PRICKLE1: variants seen among roughly 807,000 people sequenced by gnomAD.
PRICKLE1 encodes the protein prickle planar cell polarity protein 1.
In PRICKLE1, 14 loss-of-function variants were observed where a neutral mutation model predicts 70.2. The ratio of observed to expected loss-of-function variants is 0.20; its 90% CI spans 0.13 to 0.31. The LOEUF is 0.31. PRICKLE1 is among the 10% of genes least tolerant of loss of function. PRICKLE1 has a pLI of 1.00. For synonymous variants in PRICKLE1, 357 were observed against 379.9 expected (o/e 0.94, Z 0.70); for missense variants, 821 against 1,026.2 (o/e 0.80, Z 2.73).
At chr12:42,490,786 C>G (rs892952425) in intron 1 of PRICKLE1, among the ~76,000 whole-genome samples, 2 of 152,144 alleles carry the variant, frequency 1.3e-5, no homozygotes, top group Non-Finnish European at 2.9e-5. Flanking sequence ...GATGTAAGCT[C>G]TCACTTGGAA....
At chr12:42,499,725 AATTT>A (rs3086550) in intron 1 of PRICKLE1, among the ~76,000 whole-genome samples, 1 of 144,000 alleles carries the variant, frequency 6.9e-6, no homozygotes, top group African/African-American at 2.6e-5. Flanking sequence ...CTGGCCTAGA[AATTT>A]ATTTATTTAT....
At chr12:42,539,139 C>T (rs1940063784) in intron 1 of PRICKLE1, among the ~76,000 whole-genome samples, 2 of 152,120 alleles carry the variant, frequency 1.3e-5, no homozygotes, top group Admixed American at 6.6e-5. Flanking sequence ...AAAGTTCTGT[C>T]TTGAAGTTAG....
chr12:42,551,710 A>G (rs930651722), intron 1 of PRICKLE1, among the ~76,000 whole-genome samples: 4 of 152,208 alleles, frequency 2.6e-5, no homozygotes, highest in African/African-American at 9.6e-5. Context: ...GCCCAAGGGA[A>G]GAGGAGACGT....
chr12:42,551,181 C>T (rs1940309590), intron 1 of PRICKLE1, among the ~76,000 whole-genome samples: 2 of 152,136 alleles, frequency 1.3e-5, no homozygotes, highest in African/African-American at 4.8e-5. Flanking sequence ...TTAATATGCA[C>T]CTATGCAACC....
intron 1 of PRICKLE1, among the ~76,000 whole-genome samples, chr12:42,478,691 G>A (rs1185197020): frequency 6.7e-6 from 1 of 149,942 alleles, no homozygotes; most frequent in Non-Finnish European, 1.5e-5. Flanking sequence ...AGGTGAGAAA[G>A]AAGCCCAAGG....
At chr12:42,483,060 CG>C (rs1566095363) in intron 1 of PRICKLE1, 1 of 152,692 alleles carries the variant, frequency 6.5e-6, no homozygotes, top group African/African-American at 2.4e-5. Context: ...AGGCAGCGAG[CG>C]AACCCCTCCT....
At position 42,496,646 on chromosome 12, in the gene PRICKLE1, A is replaced by G. The variant is rs190688928; in HGVS notation, c.-48-24082T>C. Among the ~76,000 whole-genome samples the G allele has an allele frequency of 1.2e-3, 183 of 152,350 alleles. 1 individual carries two copies. Among genetic ancestry groups the G allele is most frequent in the Admixed American group, 2.6e-3 (40 of 15,298 alleles). ...CAGTGATCTTAGCTGGATCTTCCAGATAACTTGCTGCAGCTTCTCCATCAC... is the reference window on the plus strand; with the variant it reads ...CAGTGATCTTAGCTGGATCTTCCAGGTAACTTGCTGCAGCTTCTCCATCAC... On this transcript the variant is annotated intron_variant, in intron 1 of 7. Transcript: ENST00000345127.
intron 1 of PRICKLE1, among the ~76,000 whole-genome samples, chr12:42,539,624 A>T (rs1940074895): frequency 6.6e-6 from 1 of 152,172 alleles, no homozygotes; most frequent in Non-Finnish European, 1.5e-5. Context: ...TCCATCCAAA[A>T]TTTCCTATTT....
Position 42,493,655 on chromosome 12 carries a change from C to T in PRICKLE1, c.-48-21091G>A, listed in dbSNP as rs183091542. ...CTCCTTTACTCAGGATACCCTCCTT[C>T]TTGCCTATCATCATTCAGTTACGTA... On this transcript the variant is annotated intron_variant, in intron 1 of 7. Coordinates refer to ENST00000345127, the MANE Select transcript of PRICKLE1 (RefSeq NM_153026.3). Among the ~76,000 whole-genome samples, 245 of 152,256 alleles carry T rather than the reference C, an allele frequency of 1.6e-3. 1 individual carries two copies. The highest frequency in any genetic ancestry group is 5.0e-3 in the Admixed American group (76 of 15,278).
chr12:42,524,327 T>G (rs1592000667), intron 1 of PRICKLE1, among the ~76,000 whole-genome samples: 1 of 152,364 alleles, frequency 6.6e-6, no homozygotes, highest in East Asian at 1.9e-4. Flanking sequence ...ATTTAAAGTT[T>G]TCCTGAAATA....
rs548727706 is a variant in PRICKLE1 at position 42,457,984 on chromosome 12, C to T, written c.*1825G>A. ...TTCATTGCTGATGGTTTTTTAAAGG[C>T]ACCAGACCAGGGAATGTAAGTTACT... On this transcript the variant is annotated 3_prime_UTR_variant, in exon 8 of 8. Coordinates refer to ENST00000345127, the MANE Select transcript of PRICKLE1 (RefSeq NM_153026.3). 11 of 152,284 alleles carry T rather than the reference C, an allele frequency of 7.2e-5. No individual in the cohort carries two copies. Among genetic ancestry groups the T allele is most frequent in the Middle Eastern group, 6.8e-3 (2 of 294 alleles). 9.4% of individuals were successfully genotyped at this position (152,284 alleles called of 1,614,324 possible).
At position 42,499,831 on chromosome 12, in the gene PRICKLE1, G is replaced by A. The variant is rs371751152; in HGVS notation, c.-48-27267C>T. ...CAACCTCTGCCTCCCGGGTTCAAGC[G>A]ATTCTCCTGCCTCAGTCTCCCAATT... On this transcript the variant is annotated intron_variant, in intron 1 of 7. Transcript: ENST00000345127. Among the ~76,000 whole-genome samples the A allele has an allele frequency of 2.5e-3, 382 of 152,224 alleles. 2 individuals carry two copies. Among genetic ancestry groups the A allele is most frequent in the African/African-American group, 8.7e-3 (362 of 41,528 alleles).
intron 1 of PRICKLE1, among the ~76,000 whole-genome samples, chr12:42,539,735 A>G (rs1272813595): frequency 2.0e-5 from 3 of 152,226 alleles, no homozygotes; most frequent in South Asian, 2.1e-4. Context: ...GAAAAGTCAC[A>G]TATTTATGCA....
Position 42,459,513 on chromosome 12 carries a change from C to G in PRICKLE1, c.*296G>C, listed in dbSNP as rs1162701364. Reference sequence around the variant, plus strand: ...TCAACATCCAATCCCCTTCAGTCAGCATCTTCAGTATTCCCTTGAGGACTG... The same window carrying G: ...TCAACATCCAATCCCCTTCAGTCAGGATCTTCAGTATTCCCTTGAGGACTG... On this transcript the variant is annotated 3_prime_UTR_variant, in exon 8 of 8. Coordinates refer to ENST00000345127, the MANE Select transcript of PRICKLE1 (RefSeq NM_153026.3). 4.8e-6 allele frequency: 3 copies of G among 630,480 alleles called. No homozygotes were observed. Among genetic ancestry groups the G allele is most frequent in the Non-Finnish European group, 8.5e-6 (3 of 353,680 alleles). 39.1% of individuals were successfully genotyped at this position (630,480 alleles called of 1,614,324 possible).
chr12:42,459,937 T>G lies in PRICKLE1; in HGVS notation c.2368A>C (p.Arg790=), dbSNP rs1431709321. Residue 790 remains arginine, a synonymous_variant, in exon 8 of 8, where the codon AGA becomes CGA. Coordinates refer to ENST00000345127, the MANE Select transcript of PRICKLE1 (RefSeq NM_153026.3). The part of the protein sequence containing the change: ...GQPIPQPRPQ[R]FAYYTDDLSS... The stretch of plus-strand genomic sequence containing the variant: ...AGGTCATCTGTATAGTAGGCAAATC[T>G]CTGTGGCCGGGGTTGAGGGATTGGT... The G allele has an allele frequency of 1.2e-6, 2 of 1,614,150 alleles. No homozygotes were observed. Among genetic ancestry groups the G allele is most frequent in the Admixed American group, 1.7e-5 (1 of 60,010 alleles).
chr12:42,570,785 A>C (rs1940697740), intron 1 of PRICKLE1, among the ~76,000 whole-genome samples: 1 of 152,188 alleles, frequency 6.6e-6, no homozygotes, highest in South Asian at 2.1e-4. Flanking sequence ...GTACCACTGC[A>C]CTCCAGCCTG....
intron 1 of PRICKLE1, among the ~76,000 whole-genome samples, chr12:42,535,172 T>C (rs1939996293): frequency 6.6e-6 from 1 of 152,176 alleles, no homozygotes; most frequent in Non-Finnish European, 1.5e-5. Context: ...CCTGAATTAT[T>C]GAGGAAGATA....
intron 1 of PRICKLE1, among the ~76,000 whole-genome samples, chr12:42,492,890 T>G (rs2140172416): frequency 6.6e-6 from 1 of 152,316 alleles, no homozygotes; most frequent in East Asian, 1.9e-4. Context: ...GTACATTAGA[T>G]ACAGCAGATA....
chr12:42,508,059 G>A (rs756507967), intron 1 of PRICKLE1, among the ~76,000 whole-genome samples: 3 of 152,042 alleles, frequency 2.0e-5, no homozygotes, highest in Non-Finnish European at 4.4e-5. Flanking sequence ...TTTCAATGGC[G>A]ATTTAGATAC....
Sources: gnomAD v4.1 joint callset for allele counts (sites outside exome capture counted in the v4.1 genomes callset) on GRCh38, gnomAD v4.1.1 for gene constraint, MANE v1.5 for transcripts, NCBI Gene and HGNC (gene_info 2026-07-23, HGNC 2026-07-21) for gene names.